Variants in NRXN2 observed in about 807,000 individuals in gnomAD.
NRXN2 encodes the protein neurexin-2-beta.
In NRXN2, 29 loss-of-function variants were observed where a neutral mutation model predicts 128.8. The observed-to-expected ratio is 0.23, with a 90% CI of 0.17 to 0.31. NRXN2 has a LOEUF of 0.31. Among genes scored for constraint, NRXN2 ranks in the 10% least tolerant of loss-of-function variants. The pLI, the probability that NRXN2 is intolerant of heterozygous loss-of-function variation, is 1.00. For missense variants in NRXN2, 1,881 were observed against 2,452.6 expected, an observed-to-expected ratio of 0.77 and a Z score of 4.92; for synonymous variants, 1,098 against 1,075.2, an observed-to-expected ratio of 1.02 and a Z score of -0.41.
chr11:64,712,115 C>T (rs1010213965), intron 2 of NRXN2, among the ~76,000 whole-genome samples: 2 of 152,136 alleles, frequency 1.3e-5, no homozygotes, highest in South Asian at 2.1e-4. Context: ...CACGGCCTCG[C>T]CCCCTGTCTC....
In NRXN2 at chr11:64,660,419, G is replaced by A. The variant is rs756088670; in HGVS notation, c.2302C>T (p.Leu768Phe). 3 of 1,614,204 alleles carry A rather than the reference G, an allele frequency of 1.9e-6. No homozygotes were observed. The highest frequency in any genetic ancestry group is 1.1e-5 in the South Asian group (1 of 91,082). Residue 768 changes from leucine to phenylalanine, a missense_variant, in exon 11 of 23, where the codon CTC becomes TTC. Coordinates refer to ENST00000265459, the MANE Select transcript of NRXN2 (RefSeq NM_015080.4). This position sits in a 1 kb window ranked among gnomAD's most constrained non-coding sequence, Gnocchi z 5.2. ...TCCCTGGAAGTGGTGGCCATCATGA[G>A]TCCGTAGGCCCGCTGGGACATGAAA... ...LRFMSQRAYG[L>F]MMATTSRESA...
chr11:64,690,970 T>A (rs1367061496), intron 4 of NRXN2, among the ~76,000 whole-genome samples: 2 of 152,114 alleles, frequency 1.3e-5, no homozygotes, highest in African/African-American at 4.8e-5. Context: ...AGACACCCCC[T>A]CCTCCAGAAA....
intron 12 of NRXN2, among the ~76,000 whole-genome samples, chr11:64,653,040 A>G (rs907419906): frequency 6.7e-6 from 1 of 150,032 alleles, no homozygotes; most frequent in Non-Finnish European, 1.5e-5. Context: ...GTGCTCCCCC[A>G]TGTGACCCCA....
chr11:64,671,614 G>A (rs971212277), intron 7 of NRXN2, among the ~76,000 whole-genome samples: 5 of 152,034 alleles, frequency 3.3e-5, no homozygotes, highest in Non-Finnish European at 7.4e-5. Flanking sequence ...GGAGCAGAGT[G>A]AGGGCTAGAC....
At chr11:64,634,220 G>A (rs2044349433) in intron 18 of NRXN2, among the ~76,000 whole-genome samples, 1 of 152,220 alleles carries the variant, frequency 6.6e-6, no homozygotes, top group African/African-American at 2.4e-5. Context: ...CCACAGCACA[G>A]GGGTCCTGGC....
At chr11:64,692,700 CA>C (rs1592152176) in intron 4 of NRXN2, 146 bp downstream of exon 4, 1 of 476,230 alleles carries the variant, frequency 2.1e-6, no homozygotes, top group East Asian at 6.9e-5. Context: ...TAAGAAATGG[CA>C]AAGGAAGCGG....
At chr11:64,701,905 G>A (rs1262217759) in intron 2 of NRXN2, among the ~76,000 whole-genome samples, 1 of 142,024 alleles carries the variant, frequency 7.0e-6, no homozygotes, top group East Asian at 2.2e-4. Flanking sequence ...AGGGAGGTGG[G>A]GGGGGTCAGC....
chr11:64,712,679 C>A, intron 2 of NRXN2: 1 of 597,028 alleles, frequency 1.7e-6, no homozygotes, highest in South Asian at 1.5e-5. Flanking sequence ...TCATGCACCC[C>A]ACCCTCAGCA....
At chr11:64,702,971 TAAAAAAAAAAAAAA>T (rs557268486) in intron 2 of NRXN2, among the ~76,000 whole-genome samples, 128 of 51,160 alleles carry the variant, frequency 2.5e-3, no homozygotes, top group African/African-American at 9.4e-3. Context: ...CCCAGGTCTC[TAAAAAAAAAAAAAA>T]AAAAAAAAAG....
rs2048893219 is a variant in NRXN2, at chr11:64,660,630, G to A, written c.2186-95C>T. ...AATCATTACAAGGGCGAAAAGCCTA[G>A]GGCAGGTCTATGAGGGGTTCCCCTA... is the stretch of plus-strand genomic sequence containing the variant. On this transcript the variant is annotated intron_variant, in intron 10 of 22. Transcript: ENST00000265459. This position sits in a 1 kb window ranked among gnomAD's most constrained non-coding sequence, Gnocchi z 5.2. The A allele has an allele frequency of 7.5e-6, 12 of 1,590,044 alleles. No individual in the cohort carries two copies. The highest frequency in any genetic ancestry group is 1.0e-5 in the Non-Finnish European group (12 of 1,166,328).
intron 17 of NRXN2, chr11:64,643,571 G>GAGAGGGAGAGAGGGAGAGAGGGAC (rs1361378457): frequency 7.4e-6 from 1 of 135,686 alleles, no homozygotes; most frequent in Non-Finnish European, 1.6e-5. Context: ...GAGAGAGGGA[G>GAGAGGGAGAGAGGGAGAGAGGGAC]AGAGGGAGAG....
chr11:64,607,871 C>T lies in NRXN2; in HGVS notation c.4464G>A (p.Glu1488=). The change falls in exon 23 of 23, where the codon GAG becomes GAA. Residue 1488 remains glutamate (E), a synonymous_variant. Transcript: ENST00000265459. ...QAERDDSDCE[E]PIEASGFASG... The stretch of plus-strand genomic sequence containing the variant: ...AGGCGAAGCCCGAGGCCTCGATGGG[C>T]TCCTCGCAGTCGCTGTCGTCCCGCT... 2 of 1,589,984 alleles carry T rather than the reference C, an allele frequency of 1.3e-6. No individual in the cohort carries two copies. Among genetic ancestry groups the T allele is most frequent in the Non-Finnish European group, 1.7e-6 (2 of 1,169,014 alleles).
chr11:64,665,845 C>T (rs758459568), intron 9 of NRXN2, among the ~76,000 whole-genome samples: 33 of 152,070 alleles, frequency 2.2e-4, no homozygotes, highest in Non-Finnish European at 4.0e-4. Flanking sequence ...TCATGTTCAA[C>T]AAGATGGAGA....
intron 6 of NRXN2, among the ~76,000 whole-genome samples, chr11:64,681,860 A>G (rs2052340011): frequency 6.6e-6 from 1 of 152,232 alleles, no homozygotes; most frequent in African/African-American, 2.4e-5. Flanking sequence ...CAGGGTGTAC[A>G]CCATGCCAGA....
At chr11:64,666,249 T>A (rs1394982013) in intron 9 of NRXN2, among the ~76,000 whole-genome samples, 2 of 151,152 alleles carry the variant, frequency 1.3e-5, no homozygotes, top group African/African-American at 4.9e-5. Flanking sequence ...TCGCCCAGGC[T>A]GGAGTGCAAT....
chr11:64,687,350 C>T (rs2053204442), intron 5 of NRXN2, among the ~76,000 whole-genome samples: 1 of 152,128 alleles, frequency 6.6e-6, no homozygotes, highest in African/African-American at 2.4e-5. Flanking sequence ...CTGCAGATCC[C>T]CTCCCCTCCA....
chr11:64,688,363 C>A, intron 5 of NRXN2: 1 of 985,098 alleles, frequency 1.0e-6, no homozygotes, highest in Non-Finnish European at 1.2e-6. Context: ...TGAAAGCCTT[C>A]GAGAAGAGGG....
At position 64,622,423 on chromosome 11, in the gene NRXN2, C is replaced by T. The variant is rs532897355; in HGVS notation, c.4173+330G>A. On this transcript the variant is annotated intron_variant, in intron 21 of 22. Coordinates refer to ENST00000265459, the MANE Select transcript of NRXN2 (RefSeq NM_015080.4). This position sits in a 1 kb window ranked among gnomAD's most constrained non-coding sequence, Gnocchi z 4.3. ...GGGAAGCAGAAGGAGCCATCCTACT[C>T]TCACCCCAAGTCCAGACTTCATCTC... 2.5e-3 allele frequency among the ~76,000 whole-genome samples: 378 copies of T among 152,350 alleles called. 2 individuals are homozygous for T. Among genetic ancestry groups the T allele is most frequent in the Non-Finnish European group, 3.8e-3 (258 of 68,028 alleles).
At position 64,607,005 on chromosome 11, in the gene NRXN2, G is replaced by A. The variant is rs2039732087; in HGVS notation, c.*191C>T. On this transcript the variant is annotated 3_prime_UTR_variant, in exon 23 of 23. Coordinates refer to ENST00000265459, the MANE Select transcript of NRXN2 (RefSeq NM_015080.4). ...AGTCAGCCCCGGGACTGACGAGGCC[G>A]CGCAGTGGACGGCAGGAGGAAGGGG... is the stretch of plus-strand genomic sequence containing the variant. The A allele has an allele frequency of 8.0e-6, 5 of 627,846 alleles. No homozygotes were observed. The highest frequency in any genetic ancestry group is 4.0e-5 in the South Asian group (2 of 49,546). The allele number at this position is 627,846 out of a possible 1,614,324, so 38.9% of individuals were successfully genotyped here.
Sources: allele counts gnomAD v4.1 joint callset (sites outside exome capture counted in the v4.1 genomes callset), GRCh38; gene constraint gnomAD v4.1.1; non-coding constraint Gnocchi (gnomAD v3.1); transcripts MANE v1.5; gene names NCBI Gene and HGNC (gene_info 2026-07-23, HGNC 2026-07-21).